PCDHA4: variants seen among roughly 807,000 people sequenced by gnomAD.
PCDHA4 encodes the protein protocadherin alpha-4.
In PCDHA4, 49 loss-of-function variants were observed where a neutral mutation model predicts 61.4. That is an observed-to-expected ratio of 0.80 (90% CI 0.63 to 1.01). The LOEUF is 1.01. Among genes scored for constraint, PCDHA4 ranks in the 50% least tolerant of loss-of-function variants. The pLI is 0.00. For missense variants in PCDHA4, 1,254 were observed against 1,235.8 expected (o/e 1.01, Z -0.22); for synonymous variants, 590 against 550.3 (o/e 1.07, Z -1.01).
chr5:140,971,115 G>A (rs1409733667), intron 1 of PCDHA4, among the ~76,000 whole-genome samples: 1 of 152,146 alleles, frequency 6.6e-6, no homozygotes, highest in Non-Finnish European at 1.5e-5. Flanking sequence ...GGATTGGGGT[G>A]GGCTACAGGT....
chr5:140,848,925 G>T lies in PCDHA4; in HGVS notation c.2385+39353G>T, dbSNP rs2150425144. ...GACACAAAAGAATCTGTTCATCGCGGAATCCAGGCCGCTTGACTCTCGGTT... is the reference window on the plus strand; with the variant it reads ...GACACAAAAGAATCTGTTCATCGCGTAATCCAGGCCGCTTGACTCTCGGTT... On this transcript the variant is annotated intron_variant, in intron 1 of 3. Transcript: ENST00000530339. 12 of 1,607,696 alleles carry T rather than the reference G, an allele frequency of 7.5e-6. 1 individual carries two copies. The highest frequency in any genetic ancestry group is 1.0e-5 in the Non-Finnish European group (12 of 1,176,962).
At chr5:140,964,699 G>A (rs2095849795) in intron 1 of PCDHA4, among the ~76,000 whole-genome samples, 1 of 151,922 alleles carries the variant, frequency 6.6e-6, no homozygotes, top group Non-Finnish European at 1.5e-5. Context: ...GAGAGATTAA[G>A]GCCTCCGAGA....
chr5:140,954,995 T>C (rs962646761), intron 1 of PCDHA4, among the ~76,000 whole-genome samples: 2 of 152,222 alleles, frequency 1.3e-5, no homozygotes, highest in African/African-American at 2.4e-5. Context: ...TGCATATGGC[T>C]AGCCAATTCT....
rs1764003393 is a variant in PCDHA4, at chr5:140,807,673, C to G, written c.486C>G (p.Ile162Met). The change falls in exon 1 of 4, where the codon ATC becomes ATG. Residue 162 changes from isoleucine to methionine, a missense_variant. Physicochemically the swap from Ile to Met is conservative, Grantham distance 10. Transcript: ENST00000530339. ...TAGAGGGCGCCTCGGATGCAGATATCGGGGAGAACGCCCTGCTCACTTACA... is the reference window on the plus strand; with the variant it reads ...TAGAGGGCGCCTCGGATGCAGATATGGGGGAGAACGCCCTGCTCACTTACA... ...FPLEGASDAD[I>M]GENALLTYRL... The G allele has an allele frequency of 6.2e-7, 1 of 1,614,182 alleles. No homozygotes were observed. The highest frequency in any genetic ancestry group is 8.5e-7 in the Non-Finnish European group (1 of 1,180,016).
chr5:140,815,965 T>C (rs1765823391), intron 1 of PCDHA4: 1 of 152,228 alleles, frequency 6.6e-6, no homozygotes, highest in Non-Finnish European at 1.5e-5. Context: ...AGGGGTGTTC[T>C]TTTGTACGTG....
chr5:140,918,703 A>G (rs2153549940), intron 1 of PCDHA4, among the ~76,000 whole-genome samples: 1 of 152,306 alleles, frequency 6.6e-6, no homozygotes, highest in Non-Finnish European at 1.5e-5. Context: ...TTAAGTCATG[A>G]GGGCAGAGCC....
chr5:140,875,054 C>A (rs2055251816), intron 1 of PCDHA4, among the ~76,000 whole-genome samples: 1 of 152,146 alleles, frequency 6.6e-6, no homozygotes, highest in Non-Finnish European at 1.5e-5. Flanking sequence ...TACTTTGAAG[C>A]AGAAAACATT....
chr5:140,843,170 A>T (rs2150354279), intron 1 of PCDHA4: 2 of 1,596,072 alleles, frequency 1.3e-6, no homozygotes. Context: ...AGCTGCAAGC[A>T]GCCCTCGCAT....
At chr5:140,891,419 C>T (rs925275455) in intron 1 of PCDHA4, among the ~76,000 whole-genome samples, 1 of 147,378 alleles carries the variant, frequency 6.8e-6, no homozygotes, top group African/African-American at 2.5e-5. Flanking sequence ...CACTCTTGCC[C>T]CCAAGTCCCC....
At chr5:140,868,091 GATA>G (rs1310708872) in intron 1 of PCDHA4, 1 of 151,974 alleles carries the variant, frequency 6.6e-6, no homozygotes, top group Non-Finnish European at 1.5e-5. Context: ...TTTATAAAAT[GATA>G]ATAAAATTTA....
rs782248044 is a variant in PCDHA4 at position 140,809,180 on chromosome 5, G to A, written c.1993G>A (p.Val665Met). 6.2e-7 allele frequency: 1 copy of A among 1,614,034 alleles called. No homozygotes were observed. The highest frequency in any genetic ancestry group is 1.1e-5 in the South Asian group (1 of 91,078). The change falls in exon 1 of 4, where the codon GTG (valine) becomes ATG (methionine). Residue 665 changes from valine to methionine, a missense_variant. Coordinates refer to ENST00000530339, the MANE Select transcript of PCDHA4 (RefSeq NM_018907.4). ...GCCCGCGCTGACGGCCACGGCCACT[G>A]TGCTGGTGTCACTTGTGGAGAGTGG... Reference protein sequence around the residue: ...GEPALTATATVLVSLVESGQA... With the variant: ...GEPALTATATMLVSLVESGQA...
chr5:140,829,833 T>A, intron 1 of PCDHA4: 6 of 1,613,890 alleles, frequency 3.7e-6, no homozygotes, highest in Non-Finnish European at 5.1e-6. Flanking sequence ...AGCGAGCTGG[T>A]GCCGCGGTCA....
At chr5:140,975,876 A>G (rs573852863) in intron 1 of PCDHA4, among the ~76,000 whole-genome samples, 1 of 152,230 alleles carries the variant, frequency 6.6e-6, no homozygotes, top group South Asian at 2.1e-4. Context: ...TACCTAATTG[A>G]TTTTTTCCAC....
chr5:141,009,290 A>G (rs1372878338), intron 3 of PCDHA4, among the ~76,000 whole-genome samples: 1 of 152,118 alleles, frequency 6.6e-6, no homozygotes, highest in Non-Finnish European at 1.5e-5. Context: ...TCCCATTTCT[A>G]TAAAATTTTT....
At chr5:140,905,407 A>G (rs2071810139) in intron 1 of PCDHA4, among the ~76,000 whole-genome samples, 1 of 152,158 alleles carries the variant, frequency 6.6e-6, no homozygotes, top group Non-Finnish European at 1.5e-5. Context: ...CTATTTTTAT[A>G]CCAGTACCAT....
rs782577579 is a variant in PCDHA4, at chr5:140,978,981, T to G, written c.2418T>G (p.Ser806=). The G allele has an allele frequency of 1.4e-5, 22 of 1,614,096 alleles. No individual in the cohort carries two copies. Among genetic ancestry groups the G allele is most frequent in the Non-Finnish European group, 1.8e-5 (21 of 1,180,040 alleles). The change falls in exon 2 of 4, where the codon TCT becomes TCG. Residue 806 remains serine (S), a synonymous_variant. Transcript: ENST00000530339. ...PRQPNPDWRY[S]ASLRAGMHSS... ...AGCCCAACCCTGACTGGCGTTACTC[T>G]GCCTCCCTGAGAGCAGGCATGCACA... is the stretch of plus-strand genomic sequence containing the variant.
intron 1 of PCDHA4, among the ~76,000 whole-genome samples, chr5:140,881,880 C>G (rs1157311188): frequency 6.6e-6 from 1 of 152,210 alleles, no homozygotes; most frequent in Non-Finnish European, 1.5e-5. Flanking sequence ...AAATGAAACT[C>G]ATCAACCAAT....
chr5:140,813,134 T>C (rs2126644012), intron 1 of PCDHA4: 6,324 of 152,306 alleles, frequency 0.042, 178 homozygotes, highest in Middle Eastern at 0.061. Flanking sequence ...TGGAATTTTC[T>C]GTATATGTCT....
At chr5:140,918,982 G>C (rs1554198889) in intron 1 of PCDHA4, among the ~76,000 whole-genome samples, 1 of 152,188 alleles carries the variant, frequency 6.6e-6, no homozygotes, top group Non-Finnish European at 1.5e-5. Flanking sequence ...AGGTTAGTTG[G>C]TTTTTAGTGT....
Sources: gnomAD v4.1 joint callset for allele counts (sites outside exome capture counted in the v4.1 genomes callset) on GRCh38, gnomAD v4.1.1 for gene constraint, MANE v1.5 for transcripts, NCBI Gene and HGNC (gene_info 2026-07-23, HGNC 2026-07-21) for gene names.